MLPH: variants seen among roughly 807,000 people sequenced by gnomAD.
The protein encoded by MLPH is exophilin-3.
MLPH carries 51 observed loss-of-function variants against 72.1 expected under a neutral mutation model. The observed-to-expected ratio is 0.71, with a 90% CI of 0.56 to 0.89. The LOEUF is 0.89. Among genes scored for constraint, MLPH ranks in the 40% least tolerant of loss-of-function variants. The pLI, the probability that MLPH is intolerant of heterozygous loss-of-function variation, is 0.00. For missense variants in MLPH, 743 were observed against 759.9 expected (o/e 0.98, Z 0.26); for synonymous variants, 301 against 310.1 (o/e 0.97, Z 0.31).
rs867728679 is a variant in MLPH, at chr2:237,518,199, G to A, written c.446-340G>A. 8.9e-5 allele frequency: 36 copies of A among 403,408 alleles called. 1 individual carries two copies. The highest frequency in any genetic ancestry group is 7.4e-4 in the South Asian group (36 of 48,724). 25.0% of individuals were successfully genotyped at this position (403,408 alleles called of 1,614,324 possible). ...CACTGATTGAGTGGGTGGATGGGTG[G>A]ATGAATAGATGGGTGGAGGATAGAT... On this transcript the variant is annotated intron_variant, in intron 4 of 15. Coordinates refer to ENST00000264605, the MANE Select transcript of MLPH (RefSeq NM_024101.7).
At chr2:237,529,129 G>A (rs757486546) in intron 8 of MLPH, among the ~76,000 whole-genome samples, 1 of 152,022 alleles carries the variant, frequency 6.6e-6, no homozygotes, top group Non-Finnish European at 1.5e-5. Flanking sequence ...TGCAAGCTCC[G>A]CCTCCTGGGT....
intron 2 of MLPH, among the ~76,000 whole-genome samples, chr2:237,494,653 A>G (rs562850376): frequency 6.6e-6 from 1 of 152,122 alleles, no homozygotes; most frequent in Non-Finnish European, 1.5e-5. Flanking sequence ...GGCCTGAGCA[A>G]CTTCAAGGAC....
intron 6 of MLPH, among the ~76,000 whole-genome samples, chr2:237,524,461 G>A (rs1200712882): frequency 6.6e-6 from 1 of 151,948 alleles, no homozygotes; most frequent in Non-Finnish European, 1.5e-5. Flanking sequence ...GAAACATCCA[G>A]CACAGAAGAA....
intron 8 of MLPH, among the ~76,000 whole-genome samples, chr2:237,530,733 T>C (rs1056388604): frequency 2.0e-5 from 3 of 152,224 alleles, no homozygotes; most frequent in African/African-American, 7.2e-5. Context: ...TCCTGAGGCA[T>C]GGAACTCCTT....
chr2:237,488,612 G>A (rs1328400899), intron 1 of MLPH, among the ~76,000 whole-genome samples: 1 of 152,204 alleles, frequency 6.6e-6, no homozygotes, highest in Non-Finnish European at 1.5e-5. Context: ...TCTAAGAACA[G>A]TAGCAGGTGC....
rs370744087 is a variant in MLPH, at chr2:237,518,063, T to G, written c.446-476T>G. The G allele has an allele frequency of 4.9e-5, 13 of 265,304 alleles. No homozygotes were observed. In the East Asian group the frequency reaches 1.2e-3, roughly 24 times the overall value. The allele number at this position is 265,304 out of a possible 1,614,324, so 16.4% of individuals were successfully genotyped here. On this transcript the variant is annotated intron_variant, in intron 4 of 15. Coordinates refer to ENST00000264605, the MANE Select transcript of MLPH (RefSeq NM_024101.7). The stretch of plus-strand genomic sequence containing the variant: ...GTGGGTGAGTGGATGAGCCACTGAT[T>G]GATTGGGTAGATGGATGTATAGATG...
rs560013980 is a variant in MLPH, at chr2:237,545,202, G to A, written c.1540-1404G>A. Among the ~76,000 whole-genome samples the A allele has an allele frequency of 1.6e-4, 14 of 89,646 alleles. No individual in the cohort carries two copies. The East Asian group carries it at 5.6e-3, about 36-fold the overall frequency. The allele number at this position is 89,646 out of a possible 152,430, so 58.8% of individuals were successfully genotyped here. On this transcript the variant is annotated intron_variant, in intron 12 of 15. Coordinates refer to ENST00000264605, the MANE Select transcript of MLPH (RefSeq NM_024101.7). ...TGAGTGGAGGGCACAGTGGTGAGTG[G>A]GGACAGTGGTGAGTGGGGACAGTGG...
At chr2:237,489,549 G>T (rs891421126) in intron 1 of MLPH, among the ~76,000 whole-genome samples, 4 of 152,148 alleles carry the variant, frequency 2.6e-5, no homozygotes, top group Non-Finnish European at 5.9e-5. Context: ...GGCAGCATTC[G>T]GGAAACAGCC....
At position 237,540,506 on chromosome 2, in the gene MLPH, T is replaced by C. The variant is rs778031771; in HGVS notation, c.1263T>C (p.Val421=). 8 of 1,612,176 alleles carry C rather than the reference T, an allele frequency of 5.0e-6. No homozygotes were observed. The highest frequency in any genetic ancestry group is 6.8e-6 in the Non-Finnish European group (8 of 1,179,910). ...EKAEPNRDKS[V]GPLPQADPEV... Reference sequence around the variant, plus strand: ...CAGAGCCCAACAGGGACAAATCAGTTGGGCCTCTCCCCCAGGCGGACCCGG... The same window carrying C: ...CAGAGCCCAACAGGGACAAATCAGTCGGGCCTCTCCCCCAGGCGGACCCGG... Residue 421 remains valine, a synonymous_variant, in exon 10 of 16, where the codon GTT becomes GTC. Coordinates refer to ENST00000264605, the MANE Select transcript of MLPH (RefSeq NM_024101.7).
At chr2:237,522,906 A>AT (rs908627014) in intron 6 of MLPH, among the ~76,000 whole-genome samples, 1 of 152,218 alleles carries the variant, frequency 6.6e-6, no homozygotes, top group African/African-American at 2.4e-5. Context: ...GGGCTGCTGT[A>AT]TTAGCATCTG....
chr2:237,495,539 T>C (rs868771575), intron 2 of MLPH, among the ~76,000 whole-genome samples: 10 of 152,188 alleles, frequency 6.6e-5, no homozygotes, highest in African/African-American at 2.4e-4. Context: ...AGAGGGACTT[T>C]GGGTTCCCAT....
intron 14 of MLPH, among the ~76,000 whole-genome samples, chr2:237,551,492 T>C (rs1157744146): frequency 2.0e-5 from 3 of 152,120 alleles, no homozygotes; most frequent in Non-Finnish European, 2.9e-5. Context: ...GACAACTGGC[T>C]CCAGTCAGGC....
rs1271456371 is a variant in MLPH at position 237,534,641 on chromosome 2, G to A, written c.1098G>A (p.Leu366=). ...TGGAGAACACAGTTGTGCCTCCCTTGGCCAAGGTAACACTGGGGGCTGGGC... is the reference window on the plus strand; with the variant it reads ...TGGAGAACACAGTTGTGCCTCCCTTAGCCAAGGTAACACTGGGGGCTGGGC... The part of the protein sequence containing the change: ...TYLENTVVPP[L]AKGLGAGVRT... The change falls in exon 9 of 16, where the codon TTG becomes TTA. Residue 366 remains leucine, a synonymous_variant. Coordinates refer to ENST00000264605, the MANE Select transcript of MLPH (RefSeq NM_024101.7). 10 of 1,613,636 alleles carry A rather than the reference G, an allele frequency of 6.2e-6. No individual in the cohort carries two copies. The highest frequency in any genetic ancestry group is 8.5e-6 in the Non-Finnish European group (10 of 1,179,694).
intron 12 of MLPH, among the ~76,000 whole-genome samples, chr2:237,546,119 G>A (rs1389826777): frequency 6.6e-6 from 1 of 152,168 alleles, no homozygotes; most frequent in Non-Finnish European, 1.5e-5. Context: ...GGGCTTCCTG[G>A]TTGTAGTAGA....
At chr2:237,515,394 A>G (rs1559348961) in intron 4 of MLPH, among the ~76,000 whole-genome samples, 1 of 152,128 alleles carries the variant, frequency 6.6e-6, no homozygotes, top group Non-Finnish European at 1.5e-5. Flanking sequence ...GGGGACAGTC[A>G]GCACAGCCAG....
intron 12 of MLPH, among the ~76,000 whole-genome samples, chr2:237,546,034 G>A (rs1375950645): frequency 6.6e-5 from 10 of 152,148 alleles, no homozygotes; most frequent in Admixed American, 6.5e-4. Flanking sequence ...CATCTTAGGG[G>A]GACATGAGAC....
At chr2:237,515,423 T>C (rs909846783) in intron 4 of MLPH, among the ~76,000 whole-genome samples, 5 of 152,116 alleles carry the variant, frequency 3.3e-5, no homozygotes, top group Non-Finnish European at 7.4e-5. Flanking sequence ...ATAGGGACAC[T>C]TGTGCCTCTG....
intron 8 of MLPH, among the ~76,000 whole-genome samples, chr2:237,529,146 G>A (rs12475576): frequency 0.13 from 19,490 of 152,020 alleles, 1,504 homozygotes; most frequent in South Asian, 0.29. Flanking sequence ...GGGTTCAAGC[G>A]ATTCTCCTGC....
At chr2:237,549,304 C>G in intron 14 of MLPH, 26 bp downstream of exon 14, 1 of 1,607,512 alleles carries the variant, frequency 6.2e-7, no homozygotes, top group Non-Finnish European at 8.5e-7. Flanking sequence ...TCCCCCACCC[C>G]CATGGGCCTG....
Sources: allele counts gnomAD v4.1 joint callset (sites outside exome capture counted in the v4.1 genomes callset), GRCh38; gene constraint gnomAD v4.1.1; transcripts MANE v1.5; gene names NCBI Gene and HGNC (gene_info 2026-07-23, HGNC 2026-07-21).